Variants in ATM observed in about 807,000 individuals in gnomAD.
ATM encodes ATM serine/threonine kinase.
Under a neutral mutation model 387.0 loss-of-function variants are expected in ATM, and 308 were observed. The observed-to-expected ratio is 0.80, with a 90% CI of 0.73 to 0.87. The LOEUF (loss-of-function observed/expected upper bound fraction) is 0.87, where lower values mean the gene tolerates loss of function less well. ATM is among the 40% of genes least tolerant of loss of function. The pLI is 0.00. For missense variants in ATM, 3,312 were observed against 3,560.9 expected (o/e 0.93, Z 1.78); for synonymous variants, 1,156 against 1,187.3 (o/e 0.97, Z 0.54).
At chr11:108,300,300 T>TAATC (rs1004241612) in intron 34 of ATM, among the ~76,000 whole-genome samples, 34 of 152,350 alleles carry the variant, frequency 2.2e-4, no homozygotes, top group Admixed American at 1.3e-4. Context: ...GGTTGTTTTA[T>TAATC]AATCCTAGAA....
intron 61 of ATM, among the ~76,000 whole-genome samples, chr11:108,356,941 G>C (rs541931001): frequency 3.3e-4 from 50 of 152,200 alleles, no homozygotes; most frequent in Non-Finnish European, 6.2e-4. Context: ...GGGAGGAGGA[G>C]CCAAGATGGC....
Position 108,326,072 on chromosome 11 carries a change from A to T in ATM, c.6822A>T (p.Ala2274=). ...TFKNTQLPER[A]IFQIKQYNSV... is the part of the protein sequence containing the mutation. ...TTTCATTTCAGCTCCCTGAAAGGGCAATATTTCAAATTAAACAGTACAATT... is the reference window on the plus strand; with the variant it reads ...TTTCATTTCAGCTCCCTGAAAGGGCTATATTTCAAATTAAACAGTACAATT... Residue 2274 remains alanine, a synonymous_variant, in exon 47 of 63, where the codon GCA becomes GCT. Coordinates refer to ENST00000675843, the MANE Select transcript of ATM (RefSeq NM_000051.4). The T allele has an allele frequency of 6.2e-7, 1 of 1,614,108 alleles. No individual in the cohort carries two copies. The highest frequency in any genetic ancestry group is 8.5e-7 in the Non-Finnish European group (1 of 1,179,988).
rs999357615 is a variant in ATM, at chr11:108,343,299, C to T, written c.8346C>T (p.Asn2782=). 6.2e-7 allele frequency: 1 copy of T among 1,613,968 alleles called. No homozygotes were observed. The highest frequency in any genetic ancestry group is 1.3e-5 in the African/African-American group (1 of 75,012). The change falls in exon 57 of 63, where the codon AAC becomes AAT. Residue 2782 remains asparagine, a synonymous_variant. Coordinates refer to ENST00000675843, the MANE Select transcript of ATM (RefSeq NM_000051.4). The stretch of plus-strand genomic sequence containing the variant: ...TCCCCATTGGTGAATTTCTTGTTAA[C>T]AATGAAGATGGTGCTCATAAAAGAT... ...GTVPIGEFLV[N]NEDGAHKRYR...
chr11:108,262,852 G>C (rs1332044613), intron 16 of ATM, among the ~76,000 whole-genome samples: 1 of 145,244 alleles, frequency 6.9e-6, no homozygotes, highest in Non-Finnish European at 1.5e-5. Context: ...TGATAAAACA[G>C]ACTTTAAACC....
intron 51 of ATM, 86 bp downstream of exon 51, chr11:108,331,643 C>CT: frequency 7.0e-7 from 1 of 1,419,874 alleles, no homozygotes. Flanking sequence ...ACCATTCCCT[C>CT]TAAGAAATGG....
intron 4 of ATM, among the ~76,000 whole-genome samples, chr11:108,232,956 G>A (rs555172130): frequency 6.6e-6 from 1 of 151,758 alleles, no homozygotes; most frequent in African/African-American, 2.4e-5. Flanking sequence ...TCCGCCTCCC[G>A]GGCTCAAGCG....
Position 108,310,331 on chromosome 11 carries a change from AT to A in ATM, c.5918+21del, listed in dbSNP as rs1350577892. ...AAGAGAAAAGGTAATGGAATTTAGA[AT>A]TTTTGGTTTTTAAAATTAATGTTGG... On this transcript the variant is annotated intron_variant, in intron 39 of 62. Transcript: ENST00000675843. The A allele has an allele frequency of 4.3e-6, 7 of 1,610,140 alleles. No homozygotes were observed. In the African/African-American group the frequency reaches 8.0e-5, roughly 18 times the overall value.
At chr11:108,265,548 A>G (rs1366413287) in intron 16 of ATM, among the ~76,000 whole-genome samples, 1 of 150,790 alleles carries the variant, frequency 6.6e-6, no homozygotes, top group Non-Finnish European at 1.5e-5. Context: ...AAACCTAGGC[A>G]TTACCATTCA....
intron 55 of ATM, 41 bp from the exon 56 acceptor site, chr11:108,335,795 TTATAATAAA>T (rs1565542915): frequency 6.8e-7 from 1 of 1,478,184 alleles, no homozygotes. Flanking sequence ...CTCTGTGTTT[TTATAATAAA>T]ATAAACTGTA....
intron 32 of ATM, chr11:108,295,736 A>T (rs2083084902): frequency 6.6e-6 from 1 of 152,098 alleles, no homozygotes; most frequent in Non-Finnish European, 1.5e-5. Context: ...AGCTCACTGC[A>T]ACCTCCACCT....
intron 44 of ATM, among the ~76,000 whole-genome samples, chr11:108,320,841 C>T (rs1044631035): frequency 2.0e-5 from 3 of 152,106 alleles, no homozygotes; most frequent in Admixed American, 6.5e-5. Flanking sequence ...TAACCAGAAG[C>T]CTTACCAATA....
At chr11:108,329,406 G>GT (rs1468822912) in intron 49 of ATM, 168 bp downstream of exon 49, 5 of 648,704 alleles carry the variant, frequency 7.7e-6, no homozygotes, top group Middle Eastern at 4.3e-4. Flanking sequence ...TTCGGTTTTT[G>GT]TTTTTTGTTT....
At chr11:108,324,731 A>G (rs2085483538) in intron 45 of ATM, among the ~76,000 whole-genome samples, 2 of 152,174 alleles carry the variant, frequency 1.3e-5, no homozygotes, top group African/African-American at 2.4e-5. Context: ...GTAGTATTTC[A>G]TAGTTCAGTT....
rs1005444925 is a variant in ATM at position 108,284,263 on chromosome 11, T to C, written c.3783T>C (p.Ile1261=). The C allele has an allele frequency of 1.9e-6, 3 of 1,612,674 alleles. No individual in the cohort carries two copies. The highest frequency in any genetic ancestry group is 1.3e-5 in the African/African-American group (1 of 75,020). The change falls in exon 26 of 63, where the codon ATT becomes ATC. Residue 1261 remains isoleucine, a synonymous_variant. Transcript: ENST00000675843. ...CYKVLIPHLV[I]RSHFDEVKSI... ...AGGTTTTGATTCCACATCTGGTGAT[T>C]AGAAGTCATTTTGATGAGGTGAAGT...
chr11:108,333,332 T>C (rs2086484779), intron 53 of ATM, among the ~76,000 whole-genome samples: 1 of 152,252 alleles, frequency 6.6e-6, no homozygotes. Context: ...ATTATTATTC[T>C]TGCTGTGTCA....
intron 38 of ATM, chr11:108,309,112 A>G: frequency 1.7e-6 from 2 of 1,145,036 alleles, no homozygotes; most frequent in Non-Finnish European, 2.5e-6. Flanking sequence ...ACGGGTAAAG[A>G]CATGCATTCA....
chr11:108,290,854 C>T (rs537185917), intron 29 of ATM, among the ~76,000 whole-genome samples: 2 of 150,036 alleles, frequency 1.3e-5, no homozygotes, highest in East Asian at 2.0e-4. Flanking sequence ...CACTACTTCT[C>T]CAATTCTAGA....
At chr11:108,363,922 T>C (rs1335039797) in intron 61 of ATM, among the ~76,000 whole-genome samples, 1 of 152,166 alleles carries the variant, frequency 6.6e-6, no homozygotes, top group African/African-American at 2.4e-5. Context: ...TAATAAAATA[T>C]ATTAATATTT....
intron 16 of ATM, among the ~76,000 whole-genome samples, chr11:108,261,210 A>G (rs1487854429): frequency 1.3e-5 from 2 of 152,202 alleles, no homozygotes; most frequent in African/African-American, 2.4e-5. Context: ...GACAGCAGTA[A>G]CCTCTGCAGA....
Sources: gnomAD v4.1 joint callset for allele counts (sites outside exome capture counted in the v4.1 genomes callset) on GRCh38, gnomAD v4.1.1 for gene constraint, MANE v1.5 for transcripts, NCBI Gene and HGNC (gene_info 2026-07-23, HGNC 2026-07-21) for gene names.